Variants in TAFA2 observed in about 807,000 individuals in gnomAD.
The protein encoded by TAFA2 is TAFA chemokine like family member 2.
Under a neutral mutation model 18.8 loss-of-function variants are expected in TAFA2, and 7 were observed. The ratio of observed to expected loss-of-function variants is 0.37; its 90% confidence interval spans 0.21 to 0.70. TAFA2 has a LOEUF of 0.70. Ranked by LOEUF, TAFA2 falls within the 30% of genes least tolerant of loss-of-function variation. TAFA2 has a pLI of 0.53. For synonymous variants in TAFA2, 60 were observed against 54.2 expected (o/e 1.11, Z -0.47); for missense variants, 122 against 158.1 (o/e 0.77, Z 1.23).
At chr12:61,984,466 G>A (rs1879748929) in intron 1 of TAFA2, among the ~76,000 whole-genome samples, 1 of 152,158 alleles carries the variant, frequency 6.6e-6, no homozygotes, top group Admixed American at 6.5e-5. Flanking sequence ...AAACATTAGT[G>A]AACAGAGGAC....
chr12:62,059,020 G>T (rs1382897562), intron 1 of TAFA2, among the ~76,000 whole-genome samples: 1 of 151,906 alleles, frequency 6.6e-6, no homozygotes, highest in Non-Finnish European at 1.5e-5. Context: ...GGAGAATGGC[G>T]GGAACCCGGG....
At chr12:61,796,407 A>C (rs1284524921) in intron 2 of TAFA2, among the ~76,000 whole-genome samples, 2 of 152,142 alleles carry the variant, frequency 1.3e-5, no homozygotes, top group Non-Finnish European at 2.9e-5. Context: ...TTCTAAGTGA[A>C]AGAGGACAGA....
chr12:62,127,395 T>A (rs981867689), intron 1 of TAFA2, among the ~76,000 whole-genome samples: 2 of 152,042 alleles, frequency 1.3e-5, no homozygotes, highest in Non-Finnish European at 2.9e-5. Context: ...AAATTGGACT[T>A]ACTTATTTTT....
Position 61,999,666 on chromosome 12 carries a change from C to T in TAFA2, c.-1-132240G>A, listed in dbSNP as rs377042688. Among the ~76,000 whole-genome samples, 104 of 152,182 alleles carry T rather than the reference C, an allele frequency of 6.8e-4. 1 individual carries two copies. In the South Asian group the frequency reaches 0.02, roughly 29 times the overall value. ...CTGTTTCTGTATCCGTATGCTGAAG[C>T]GAATACTAGTACTATATCCCAGAAT... On this transcript the variant is annotated intron_variant, in intron 1 of 4. Coordinates refer to ENST00000416284, the MANE Select transcript of TAFA2 (RefSeq NM_178539.5).
chr12:61,833,126 G>T (rs1872781482), intron 2 of TAFA2, among the ~76,000 whole-genome samples: 1 of 147,196 alleles, frequency 6.8e-6, no homozygotes, highest in African/African-American at 2.5e-5. Flanking sequence ...CTCCTTTTAG[G>T]CCATAAGAAA....
At chr12:62,095,539 C>G (rs1405994041) in intron 1 of TAFA2, among the ~76,000 whole-genome samples, 3 of 152,064 alleles carry the variant, frequency 2.0e-5, no homozygotes, top group African/African-American at 7.2e-5. Context: ...CTGAGTGGCA[C>G]AGCTCAAACA....
chr12:62,054,290 A>T (rs1267140061), intron 1 of TAFA2, among the ~76,000 whole-genome samples: 1 of 152,238 alleles, frequency 6.6e-6, no homozygotes, highest in Non-Finnish European at 1.5e-5. Context: ...GTGATGCTGA[A>T]AAGTTTTTAG....
chr12:62,137,655 A>G (rs929134100), intron 1 of TAFA2, among the ~76,000 whole-genome samples: 5 of 151,280 alleles, frequency 3.3e-5, no homozygotes, highest in African/African-American at 1.2e-4. Flanking sequence ...CCTCCCCACC[A>G]CCTCCACTCC....
chr12:62,219,975 A>T (rs2062753804), intron 1 of TAFA2, among the ~76,000 whole-genome samples: 1 of 152,200 alleles, frequency 6.6e-6, no homozygotes, highest in South Asian at 2.1e-4. Flanking sequence ...CATTTTGGGA[A>T]GTGGAAAAAT....
intron 2 of TAFA2, among the ~76,000 whole-genome samples, chr12:61,839,311 G>C (rs541699104): frequency 6.6e-6 from 1 of 152,176 alleles, no homozygotes; most frequent in South Asian, 2.1e-4. Context: ...TGTCTCAGTT[G>C]CTACATAAGA....
chr12:62,053,669 T>G (rs1327550122), intron 1 of TAFA2, among the ~76,000 whole-genome samples: 3 of 152,230 alleles, frequency 2.0e-5, no homozygotes, highest in Non-Finnish European at 2.9e-5. Flanking sequence ...AAGAGGACTC[T>G]CTACCCCTTT....
chr12:62,062,367 T>A (rs1224650525), intron 1 of TAFA2, among the ~76,000 whole-genome samples: 1 of 152,162 alleles, frequency 6.6e-6, no homozygotes, highest in African/African-American at 2.4e-5. Flanking sequence ...GGCGTAAGAC[T>A]AATAATACTG....
chr12:62,156,628 A>T (rs2062371405), intron 1 of TAFA2, among the ~76,000 whole-genome samples: 1 of 152,196 alleles, frequency 6.6e-6, no homozygotes, highest in South Asian at 2.1e-4. Flanking sequence ...AGCCATAAAA[A>T]GGAATGAATT....
At chr12:62,181,668 T>C (rs1240781448) in intron 1 of TAFA2, among the ~76,000 whole-genome samples, 1 of 152,184 alleles carries the variant, frequency 6.6e-6, no homozygotes, top group Non-Finnish European at 1.5e-5. Context: ...TTGATAAAAC[T>C]GATGACGAAA....
At chr12:61,999,318 C>G (rs1017301069) in intron 1 of TAFA2, among the ~76,000 whole-genome samples, 1 of 152,122 alleles carries the variant, frequency 6.6e-6, no homozygotes, top group African/African-American at 2.4e-5. Flanking sequence ...GGCTTTCATT[C>G]AATAGTATCC....
intron 1 of TAFA2, among the ~76,000 whole-genome samples, chr12:61,997,603 T>C (rs946855809): frequency 1.3e-5 from 2 of 152,162 alleles, no homozygotes; most frequent in African/African-American, 4.8e-5. Context: ...TTCTGTAAGA[T>C]GATTCTAGCT....
At chr12:62,021,486 TCTGTC>T in intron 1 of TAFA2, 2 of 604,632 alleles carry the variant, frequency 3.3e-6, no homozygotes, top group East Asian at 3.2e-5. Flanking sequence ...TTTTTTTTTT[TCTGTC>T]TTTGTACAAT....
At chr12:62,050,961 T>C (rs1047174527) in intron 1 of TAFA2, among the ~76,000 whole-genome samples, 2 of 152,198 alleles carry the variant, frequency 1.3e-5, no homozygotes, top group Admixed American at 6.5e-5. Context: ...AAAAGCAGAA[T>C]TGAATCCCTT....
At chr12:62,001,523 G>A (rs979643114) in intron 1 of TAFA2, among the ~76,000 whole-genome samples, 23 of 152,198 alleles carry the variant, frequency 1.5e-4, no homozygotes, top group African/African-American at 5.3e-4. Flanking sequence ...TTCTCATAAG[G>A]AGTGCACAAC....
Sources: allele counts gnomAD v4.1 joint callset (sites outside exome capture counted in the v4.1 genomes callset), GRCh38; gene constraint gnomAD v4.1.1; transcripts MANE v1.5; gene names NCBI Gene and HGNC (gene_info 2026-07-23, HGNC 2026-07-21).